The following GPC6 variants were observed in gnomAD, a reference collection of about 807,000 sequenced individuals.
GPC6 encodes glypican 6.
A neutral mutation model predicts 55.2 loss-of-function variants in GPC6; 14 were observed. The ratio of observed to expected loss-of-function variants is 0.25; its 90% confidence interval spans 0.17 to 0.40. The LOEUF (loss-of-function observed/expected upper bound fraction) is 0.40. GPC6 is among the 10% of genes least tolerant of loss of function. The pLI, the probability that GPC6 is intolerant of heterozygous loss-of-function variation, is 1.00. For missense variants in GPC6, 641 were observed against 708.5 expected (o/e 0.90, Z 1.08); for synonymous variants, 278 against 259.6 (o/e 1.07, Z -0.68).
At chr13:93,716,035 C>G (rs1003020684) in intron 2 of GPC6, among the ~76,000 whole-genome samples, 1 of 151,542 alleles carries the variant, frequency 6.6e-6, no homozygotes, top group African/African-American at 2.4e-5. Context: ...CGTATCCCCT[C>G]GTGACTCATA....
At chr13:94,131,990 C>G (rs1432503218) in intron 4 of GPC6, among the ~76,000 whole-genome samples, 1 of 152,176 alleles carries the variant, frequency 6.6e-6, no homozygotes, top group African/African-American at 2.4e-5. Flanking sequence ...ATTTCTCAGA[C>G]ACTTCAGTAA....
rs550919388 is a variant in GPC6, at chr13:94,183,174, A to T, written c.878-103175A>T. Among the ~76,000 whole-genome samples, 5 of 152,328 alleles carry T rather than the reference A, an allele frequency of 3.3e-5. No homozygotes were observed. In the South Asian group the frequency reaches 1.0e-3, roughly 32 times the overall value. ...CTGTTCCAAAATGTTTCATTGACCA[A>T]AACAGAAACTCTGTAACCATTAAGC... On this transcript the variant is annotated intron_variant, in intron 4 of 8. Transcript: ENST00000377047.
At chr13:94,041,890 C>T (rs1883549224) in intron 4 of GPC6, among the ~76,000 whole-genome samples, 1 of 151,878 alleles carries the variant, frequency 6.6e-6, no homozygotes, top group Non-Finnish European at 1.5e-5. Flanking sequence ...ACAAAATTTA[C>T]ATATACCTAT....
At chr13:94,036,320 C>T (rs1043498671) in intron 4 of GPC6, among the ~76,000 whole-genome samples, 2 of 151,920 alleles carry the variant, frequency 1.3e-5, no homozygotes, top group African/African-American at 4.8e-5. Flanking sequence ...GATATGTCCT[C>T]GATTTTTTTC....
chr13:93,265,837 C>T (rs1195461678), intron 1 of GPC6, among the ~76,000 whole-genome samples: 2 of 150,038 alleles, frequency 1.3e-5, no homozygotes, highest in African/African-American at 4.9e-5. Context: ...CCAGGTTGGC[C>T]TCGAACGCAT....
At chr13:94,199,513 T>A (rs1018940132) in intron 4 of GPC6, among the ~76,000 whole-genome samples, 11 of 151,992 alleles carry the variant, frequency 7.2e-5, no homozygotes, top group Admixed American at 5.9e-4. Context: ...CTCCACGGAG[T>A]GATGATGAGG....
chr13:94,089,479 G>T (rs1220905903), intron 4 of GPC6, among the ~76,000 whole-genome samples: 1 of 152,148 alleles, frequency 6.6e-6, no homozygotes, highest in African/African-American at 2.4e-5. Context: ...CAACACTGTG[G>T]CTTCTGGCTT....
chr13:93,875,807 T>C (rs1889274884), intron 3 of GPC6, among the ~76,000 whole-genome samples: 1 of 152,064 alleles, frequency 6.6e-6, no homozygotes, highest in South Asian at 2.1e-4. Context: ...GGAACTATCA[T>C]GGAGAAAGAA....
intron 1 of GPC6, among the ~76,000 whole-genome samples, chr13:93,374,421 TC>T (rs1243188020): frequency 5.9e-5 from 9 of 152,154 alleles, no homozygotes; most frequent in Admixed American, 3.9e-4. Context: ...GTTCTACCTC[TC>T]TTACGGGGTA....
intron 2 of GPC6, among the ~76,000 whole-genome samples, chr13:93,765,301 G>A (rs989778104): frequency 1.4e-5 from 2 of 138,634 alleles, no homozygotes; most frequent in Admixed American, 7.1e-5. Flanking sequence ...TGTCTGGAAA[G>A]ACAACTTATT....
chr13:93,566,411 A>G (rs1443951942), intron 2 of GPC6, among the ~76,000 whole-genome samples: 1 of 151,906 alleles, frequency 6.6e-6, no homozygotes, highest in Non-Finnish European at 1.5e-5. Flanking sequence ...TCCACTGATA[A>G]CACTTTTAGA....
chr13:94,324,626 A>C (rs1877014773), intron 6 of GPC6, among the ~76,000 whole-genome samples: 1 of 152,134 alleles, frequency 6.6e-6, no homozygotes. Flanking sequence ...GCACAAAGTT[A>C]AGACTTACGG....
intron 4 of GPC6, among the ~76,000 whole-genome samples, chr13:94,079,667 C>T (rs1046632888): frequency 6.6e-6 from 1 of 152,196 alleles, no homozygotes; most frequent in African/African-American, 2.4e-5. Flanking sequence ...TATATTCCTC[C>T]TGACAGCCTA....
At chr13:94,203,335 C>T (rs1889811860) in intron 4 of GPC6, among the ~76,000 whole-genome samples, 1 of 151,174 alleles carries the variant, frequency 6.6e-6, no homozygotes, top group Admixed American at 6.6e-5. Flanking sequence ...CATGAAAATT[C>T]CAAAGAAAAA....
chr13:94,382,681 C>A, intron 7 of GPC6, 131 bp downstream of exon 7: 1 of 1,210,370 alleles, frequency 8.3e-7, no homozygotes, highest in Non-Finnish European at 1.2e-6. Context: ...CATCACTTAG[C>A]AACAGCTGTT....
chr13:94,251,319 G>A (rs971636601), intron 4 of GPC6, among the ~76,000 whole-genome samples: 7 of 151,764 alleles, frequency 4.6e-5, no homozygotes, highest in East Asian at 1.9e-4. Flanking sequence ...GGGGCAAAGC[G>A]GGGGAGAGCA....
intron 4 of GPC6, among the ~76,000 whole-genome samples, chr13:94,266,790 G>A (rs562018243): frequency 9.7e-4 from 148 of 152,238 alleles, no homozygotes; most frequent in African/African-American, 3.4e-3. Flanking sequence ...TATCTCACAG[G>A]TACTCAGCAT....
At chr13:93,302,275 GGTA>G in intron 1 of GPC6, among the ~76,000 whole-genome samples, 1 of 152,096 alleles carries the variant, frequency 6.6e-6, no homozygotes, top group Admixed American at 6.5e-5. Flanking sequence ...TCATTTTGAT[GGTA>G]AAAGTCTTTA....
At chr13:94,239,316 A>G (rs963069070) in intron 4 of GPC6, among the ~76,000 whole-genome samples, 9 of 152,162 alleles carry the variant, frequency 5.9e-5, no homozygotes, top group African/African-American at 1.9e-4. Flanking sequence ...GGTACTAGAC[A>G]ACCCACAGTG....
Sources: allele counts gnomAD v4.1 joint callset (sites outside exome capture counted in the v4.1 genomes callset), GRCh38; gene constraint gnomAD v4.1.1; transcripts MANE v1.5; gene names NCBI Gene and HGNC (gene_info 2026-07-23, HGNC 2026-07-21).